SMG6: variants seen among roughly 807,000 people sequenced by gnomAD.
SMG6 encodes SMG6 nonsense mediated mRNA decay factor.
In SMG6, 66 loss-of-function variants were observed where a neutral mutation model predicts 142.2. The observed-to-expected ratio is 0.46, with a 90% CI of 0.38 to 0.57. SMG6 has a LOEUF of 0.57. Among genes scored for constraint, SMG6 ranks in the 20% least tolerant of loss-of-function variants. The pLI, the probability that SMG6 is intolerant of heterozygous loss-of-function variation, is 0.00. For synonymous variants in SMG6, 779 were observed against 702.4 expected, an observed-to-expected ratio of 1.11 and a Z score of -1.72; for missense variants, 1,793 against 1,832.0, an observed-to-expected ratio of 0.98 and a Z score of 0.39.
chr17:2,084,717 T>A (rs1415110409), intron 14 of SMG6, among the ~76,000 whole-genome samples: 1 of 152,204 alleles, frequency 6.6e-6, no homozygotes, highest in African/African-American at 2.4e-5. Context: ...CTGGCTAGAA[T>A]CGCTTCCGTC....
intron 13 of SMG6, among the ~76,000 whole-genome samples, chr17:2,113,314 G>A (rs1287144814): frequency 6.6e-6 from 1 of 152,050 alleles, no homozygotes; most frequent in East Asian, 1.9e-4. Flanking sequence ...GGGCTCAAGT[G>A]ATCCACCCGC....
At chr17:2,291,338 A>C (rs1451368024) in intron 6 of SMG6, among the ~76,000 whole-genome samples, 1 of 152,110 alleles carries the variant, frequency 6.6e-6, no homozygotes, top group Non-Finnish European at 1.5e-5. Context: ...CTCAGAAAAA[A>C]AAAAAAAGGA....
chr17:2,090,553 C>T (rs2068689549), intron 13 of SMG6, among the ~76,000 whole-genome samples: 2 of 152,198 alleles, frequency 1.3e-5, no homozygotes, highest in African/African-American at 4.8e-5. Flanking sequence ...ACCTGGTCCC[C>T]GTTTTCTCCA....
At chr17:2,193,184 G>A (rs1002513147) in intron 10 of SMG6, among the ~76,000 whole-genome samples, 1 of 152,190 alleles carries the variant, frequency 6.6e-6, no homozygotes, top group South Asian at 2.1e-4. Context: ...CTGTCTATGT[G>A]GTAGTGGCTG....
In SMG6 at chr17:2,300,320, T is replaced by G. The variant is rs183580116; in HGVS notation, c.433A>C (p.Ile145Leu). The change falls in exon 2 of 19, where the codon ATC becomes CTC. Residue 145 changes from isoleucine (I) to leucine (L), a missense_variant. Physicochemically the swap from Ile to Leu is conservative, Grantham distance 5. This residue lies in a region of SMG6 where 1,597 missense variants were observed against 1,584.6 expected (regional missense o/e 1.01). Transcript: ENST00000263073. Reference protein sequence around the residue: ...IKRTKKPDLQIYQPGRRLQTV... With the variant: ...IKRTKKPDLQLYQPGRRLQTV... ...TGCAAACGTCGTCCAGGCTGATAGA[T>G]CTGCAGGTCGGGTTTCTTTGTTCTT... 12 of 1,614,056 alleles carry G rather than the reference T, an allele frequency of 7.4e-6. No individual in the cohort carries two copies. The Admixed American group carries it at 8.3e-5, about 11-fold the overall frequency.
Position 2,300,566 on chromosome 17 carries a change from G to A in SMG6, c.187C>T (p.Pro63Ser). The A allele has an allele frequency of 6.2e-7, 1 of 1,614,008 alleles. No homozygotes were observed. The highest frequency in any genetic ancestry group is 8.5e-7 in the Non-Finnish European group (1 of 1,179,940). ...CTCCCAGGGGGTTCCTTGATTTTGG[G>A]CTTGTTCCTTAGCCGAGAAAGGCCA... The part of the protein sequence containing the change: ...KPGLSRLRNK[P>S]KIKEPPGSEE... Residue 63 changes from proline to serine, a missense_variant, in exon 2 of 19, where the codon CCC becomes TCC. This residue lies in a region of SMG6 where 1,597 missense variants were observed against 1,584.6 expected (regional missense o/e 1.01). Coordinates refer to ENST00000263073, the MANE Select transcript of SMG6 (RefSeq NM_017575.5).
At chr17:2,182,794 C>T (rs1339181052) in intron 12 of SMG6, among the ~76,000 whole-genome samples, 1 of 151,622 alleles carries the variant, frequency 6.6e-6, no homozygotes, top group Non-Finnish European at 1.5e-5. Context: ...AAATGCATAA[C>T]ACAGAGCATG....
chr17:2,080,633 C>CTT (rs763202748), intron 15 of SMG6, among the ~76,000 whole-genome samples: 12 of 151,398 alleles, frequency 7.9e-5, no homozygotes, highest in Non-Finnish European at 1.6e-4. Context: ...GCACTTTTTT[C>CTT]TTTTTTCTTT....
At chr17:2,144,937 G>A (rs2070615952) in intron 13 of SMG6, among the ~76,000 whole-genome samples, 1 of 152,052 alleles carries the variant, frequency 6.6e-6, no homozygotes, top group Admixed American at 6.6e-5. Flanking sequence ...TAGTGAGTAA[G>A]CCCAAAGCTT....
At chr17:2,184,017 G>A (rs533273094) in intron 12 of SMG6, among the ~76,000 whole-genome samples, 4 of 152,268 alleles carry the variant, frequency 2.6e-5, no homozygotes, top group Admixed American at 2.6e-4. Flanking sequence ...CATACTCACA[G>A]ACCCAGACAC....
At chr17:2,230,723 G>C (rs181896707) in intron 10 of SMG6, among the ~76,000 whole-genome samples, 1 of 152,268 alleles carries the variant, frequency 6.6e-6, no homozygotes, top group East Asian at 1.9e-4. Context: ...CCTGTCAAGA[G>C]TTCTATCTCC....
intron 9 of SMG6, chr17:2,237,668 G>T: frequency 1.7e-6 from 1 of 577,338 alleles, no homozygotes. Context: ...CAGAAATCTA[G>T]CCAGTGACCT....
At chr17:2,139,629 C>T (rs2070412593) in intron 13 of SMG6, among the ~76,000 whole-genome samples, 1 of 151,886 alleles carries the variant, frequency 6.6e-6, no homozygotes. Flanking sequence ...CCATGTTGGC[C>T]AGGCTGGTCT....
At chr17:2,227,450 A>C (rs1277645114) in intron 10 of SMG6, among the ~76,000 whole-genome samples, 1 of 152,230 alleles carries the variant, frequency 6.6e-6, no homozygotes, top group Non-Finnish European at 1.5e-5. Context: ...TGCTGAGCTA[A>C]AGAAGTCAGA....
chr17:2,166,277 A>C (rs1395028058), intron 13 of SMG6, among the ~76,000 whole-genome samples: 1 of 152,140 alleles, frequency 6.6e-6, no homozygotes, highest in Non-Finnish European at 1.5e-5. Context: ...GAATCTACCT[A>C]ATCTGTTCAA....
At chr17:2,109,602 TAAG>T (rs2069252299) in intron 13 of SMG6, among the ~76,000 whole-genome samples, 1 of 152,102 alleles carries the variant, frequency 6.6e-6, no homozygotes. Flanking sequence ...GGCAGTAGAT[TAAG>T]AATAGGATTA....
intron 13 of SMG6, among the ~76,000 whole-genome samples, chr17:2,161,053 T>C (rs1412270034): frequency 6.6e-6 from 1 of 151,664 alleles, no homozygotes; most frequent in African/African-American, 2.4e-5. Context: ...TGTATGTATG[T>C]AGGTAGGTAG....
At chr17:2,069,973 C>A (rs531516091) in intron 15 of SMG6, among the ~76,000 whole-genome samples, 11 of 151,858 alleles carry the variant, frequency 7.2e-5, no homozygotes, top group African/African-American at 2.7e-4. Flanking sequence ...CAATTGACAG[C>A]CTAGTCATAT....
chr17:2,238,051 G>A (rs944000262), intron 9 of SMG6, among the ~76,000 whole-genome samples: 1 of 152,204 alleles, frequency 6.6e-6, no homozygotes, highest in Non-Finnish European at 1.5e-5. Context: ...AAGTTCTAGA[G>A]GAAGGTGCTT....
Sources: gnomAD v4.1 joint callset for allele counts (sites outside exome capture counted in the v4.1 genomes callset) on GRCh38, gnomAD v4.1.1 for gene constraint, gnomAD v4.1.1 regional missense constraint, MANE v1.5 for transcripts, NCBI Gene and HGNC (gene_info 2026-07-23, HGNC 2026-07-21) for gene names.